FAM184A: variants seen among roughly 807,000 people sequenced by gnomAD.
FAM184A encodes protein FAM184A.
FAM184A carries 99 observed loss-of-function variants against 143.8 expected under a neutral mutation model. The observed-to-expected ratio is 0.69, with a 90% CI of 0.58 to 0.81. The LOEUF (loss-of-function observed/expected upper bound fraction) is 0.81, where lower values mean the gene tolerates loss of function less well. FAM184A is among the 40% of genes least tolerant of loss of function. The pLI, the probability that FAM184A is intolerant of heterozygous loss-of-function variation, is 0.00. For synonymous variants in FAM184A, 427 were observed against 446.4 expected, an observed-to-expected ratio of 0.96 and a Z score of 0.55; for missense variants, 1,217 against 1,310.5, an observed-to-expected ratio of 0.93 and a Z score of 1.10.
At chr6:119,115,886 T>G (rs1003508994) in intron 1 of FAM184A, among the ~76,000 whole-genome samples, 4 of 151,690 alleles carry the variant, frequency 2.6e-5, no homozygotes, top group Non-Finnish European at 5.9e-5. Flanking sequence ...GGAGAATCAC[T>G]TGAACCCAGG....
At chr6:119,016,177 T>G (rs998086249) in intron 5 of FAM184A, among the ~76,000 whole-genome samples, 1 of 152,136 alleles carries the variant, frequency 6.6e-6, no homozygotes, top group African/African-American at 2.4e-5. Context: ...AATGCACCAA[T>G]CAGCGCCCTG....
At chr6:118,979,644 A>G in intron 10 of FAM184A, 126 bp from the exon 11 acceptor site, 1 of 696,126 alleles carries the variant, frequency 1.4e-6, no homozygotes, top group Non-Finnish European at 2.3e-6. Flanking sequence ...TTCATTTTCA[A>G]GAAAACTAGA....
intron 1 of FAM184A, among the ~76,000 whole-genome samples, chr6:119,054,158 T>G (rs1377591535): frequency 6.6e-6 from 1 of 152,192 alleles, no homozygotes; most frequent in African/African-American, 2.4e-5. Flanking sequence ...CCATCTCCAC[T>G]ATTTTTTACA....
chr6:118,963,346 C>G (rs1177175600), intron 16 of FAM184A: 7 of 151,988 alleles, frequency 4.6e-5, no homozygotes, highest in African/African-American at 1.4e-4. Flanking sequence ...CCACAAACCT[C>G]ATAATCTTGC....
At chr6:118,981,802 T>A (rs779746136) in intron 9 of FAM184A, among the ~76,000 whole-genome samples, 1 of 152,190 alleles carries the variant, frequency 6.6e-6, no homozygotes, top group Non-Finnish European at 1.5e-5. Flanking sequence ...AGTCAAGCAC[T>A]GGTGAGAAAT....
chr6:119,125,352 T>G (rs1178375653), intron 1 of FAM184A, among the ~76,000 whole-genome samples: 1 of 152,186 alleles, frequency 6.6e-6, no homozygotes, highest in Non-Finnish European at 1.5e-5. Flanking sequence ...CTTGGCTCAC[T>G]GCAACCTCCG....
intron 9 of FAM184A, among the ~76,000 whole-genome samples, chr6:118,993,152 G>C (rs1338810616): frequency 6.6e-6 from 1 of 152,156 alleles, no homozygotes; most frequent in Non-Finnish European, 1.5e-5. Context: ...TTGTTTTAAA[G>C]CATCTTAAAT....
chr6:119,076,959 G>C (rs1420213300), intron 1 of FAM184A, among the ~76,000 whole-genome samples: 2 of 152,128 alleles, frequency 1.3e-5, no homozygotes, highest in Non-Finnish European at 2.9e-5. Context: ...ACAAGACGTT[G>C]GTTGAGTTTT....
intron 7 of FAM184A, among the ~76,000 whole-genome samples, chr6:119,004,933 G>A (rs781516485): frequency 2.0e-5 from 3 of 152,074 alleles, no homozygotes; most frequent in Non-Finnish European, 4.4e-5. Context: ...AACTGGGTGC[G>A]CACCAAGGCA....
chr6:119,006,384 C>A, intron 7 of FAM184A, 63 bp downstream of exon 7: 1 of 1,528,482 alleles, frequency 6.5e-7, no homozygotes, highest in Non-Finnish European at 8.9e-7. Flanking sequence ...AGCTCTAGGT[C>A]AAATGGCTAA....
Position 118,968,370 on chromosome 6 carries a change from G to A in FAM184A, c.2916-1418C>T, listed in dbSNP as rs372004429. On this transcript the variant is annotated intron_variant, in intron 14 of 17. Coordinates refer to ENST00000338891, the MANE Select transcript of FAM184A (RefSeq NM_024581.6). ...CTGGGCTGCATATGGCCTGCAGGCC[G>A]TGGGTTGAACAACCTTGCTGTACAA... Among the ~76,000 whole-genome samples, 15 of 152,362 alleles carry A rather than the reference G, an allele frequency of 9.8e-5. No homozygotes were observed. The East Asian group carries it at 1.9e-3, about 20-fold the overall frequency.
intron 1 of FAM184A, among the ~76,000 whole-genome samples, chr6:119,118,344 G>T (rs1448714878): frequency 1.3e-5 from 2 of 152,018 alleles, no homozygotes; most frequent in African/African-American, 4.8e-5. Context: ...TATATAAAGG[G>T]CTTAGAATAA....
chr6:119,123,824 T>A (rs1343223069), intron 1 of FAM184A, among the ~76,000 whole-genome samples: 3 of 152,228 alleles, frequency 2.0e-5, no homozygotes, highest in Admixed American at 2.0e-4. Flanking sequence ...TATGGACAGT[T>A]ATATACTGTA....
At chr6:119,067,149 A>G (rs79228602) in intron 1 of FAM184A, among the ~76,000 whole-genome samples, 6,082 of 152,300 alleles carry the variant, frequency 0.04, 189 homozygotes, top group Middle Eastern at 0.061. Context: ...CAATTAACAT[A>G]CAAGGAAAGA....
chr6:119,091,134 T>C (rs1343614838), intron 1 of FAM184A, among the ~76,000 whole-genome samples: 1 of 152,214 alleles, frequency 6.6e-6, no homozygotes, highest in East Asian at 1.9e-4. Flanking sequence ...TAATGCTGTG[T>C]ACTAATGCTA....
chr6:119,138,349 G>A (rs949414733), intron 1 of FAM184A, among the ~76,000 whole-genome samples: 2 of 152,166 alleles, frequency 1.3e-5, no homozygotes, highest in Non-Finnish European at 2.9e-5. Context: ...CAGCACCAAT[G>A]TATTATCTTA....
At chr6:119,085,254 T>C (rs919378898) in intron 1 of FAM184A, among the ~76,000 whole-genome samples, 3 of 152,206 alleles carry the variant, frequency 2.0e-5, no homozygotes, top group Non-Finnish European at 4.4e-5. Context: ...CATATGAGCA[T>C]ACATTGAGAA....
intron 1 of FAM184A, among the ~76,000 whole-genome samples, chr6:119,028,013 A>C (rs1409625621): frequency 1.3e-5 from 2 of 152,264 alleles, no homozygotes; most frequent in African/African-American, 4.8e-5. Context: ...CTGCCCTTTT[A>C]AGCTTAAGCC....
At chr6:118,981,553 C>T (rs1393621829) in intron 9 of FAM184A, among the ~76,000 whole-genome samples, 1 of 151,792 alleles carries the variant, frequency 6.6e-6, no homozygotes, top group Non-Finnish European at 1.5e-5. Context: ...AAGAAAGGTA[C>T]CTGGGAAAGA....
Sources: gnomAD v4.1 joint callset for allele counts (sites outside exome capture counted in the v4.1 genomes callset) on GRCh38, gnomAD v4.1.1 for gene constraint, MANE v1.5 for transcripts, NCBI Gene and HGNC (gene_info 2026-07-23, HGNC 2026-07-21) for gene names.